CTBP2: variants seen among roughly 807,000 people sequenced by gnomAD.
The protein encoded by CTBP2 is C-terminal-binding protein 2.
CTBP2 carries 30 observed loss-of-function variants against 80.3 expected under a neutral mutation model. The ratio of observed to expected loss-of-function variants is 0.37; its 90% CI spans 0.28 to 0.51. The LOEUF (loss-of-function observed/expected upper bound fraction) is 0.51. Among genes scored for constraint, CTBP2 ranks in the 20% least tolerant of loss-of-function variants. CTBP2 has a pLI of 0.93. For missense variants in CTBP2, 1,212 were observed against 1,375.3 expected, an observed-to-expected ratio of 0.88 and a Z score of 1.88; for synonymous variants, 594 against 587.4, an observed-to-expected ratio of 1.01 and a Z score of -0.16.
intron 1 of CTBP2, among the ~76,000 whole-genome samples, chr10:125,148,892 A>T (rs1432973563): frequency 6.6e-6 from 1 of 152,240 alleles, no homozygotes; most frequent in Non-Finnish European, 1.5e-5. Context: ...GGATGTGTGC[A>T]AGTGGAGGAA....
intron 1 of CTBP2, among the ~76,000 whole-genome samples, chr10:125,131,734 G>A (rs1177646920): frequency 6.6e-6 from 1 of 152,214 alleles, no homozygotes; most frequent in African/African-American, 2.4e-5. Context: ...GCTCCACAGA[G>A]TGATTCAGGC....
At chr10:125,125,331 A>G (rs915669346) in intron 1 of CTBP2, among the ~76,000 whole-genome samples, 1 of 151,744 alleles carries the variant, frequency 6.6e-6, no homozygotes, top group African/African-American at 2.4e-5. Flanking sequence ...GAGCTTAGAT[A>G]TATCTTTCTT....
Position 125,066,378 on chromosome 10 carries a change from G to A in CTBP2, c.-101-27223C>T, listed in dbSNP as rs2135405437. On this transcript the variant is annotated intron_variant, in intron 2 of 10. Transcript: ENST00000337195. The surrounding 1 kb of genome is among the most constrained non-coding windows in gnomAD (Gnocchi z 4.1). ...AAAACATCAAGTCAGAACGTCCCGTGCCTTCTAAGCAGTCAGGTGCATGCA... is the reference window on the plus strand; with the variant it reads ...AAAACATCAAGTCAGAACGTCCCGTACCTTCTAAGCAGTCAGGTGCATGCA... Among the ~76,000 whole-genome samples the A allele has an allele frequency of 6.6e-6, 1 of 152,286 alleles. No homozygotes were observed. Among genetic ancestry groups the A allele is most frequent in the South Asian group, 2.1e-4 (1 of 4,814 alleles).
At chr10:125,132,716 A>G (rs1239078883) in intron 1 of CTBP2, among the ~76,000 whole-genome samples, 1 of 152,168 alleles carries the variant, frequency 6.6e-6, no homozygotes, top group Admixed American at 6.5e-5. Flanking sequence ...AATAAAAAAA[A>G]CTCCACTAAA....
upstream of CTBP2, chr10:125,162,275 T>G (rs1198418937): frequency 6.6e-6 from 1 of 152,298 alleles, no homozygotes; most frequent in African/African-American, 2.4e-5. Context: ...CCGCGCGGTG[T>G]GGTCTCCTCC....
chr10:125,017,228 G>A (rs1300564068), intron 1 of CTBP2, among the ~76,000 whole-genome samples: 4 of 152,234 alleles, frequency 2.6e-5, no homozygotes, highest in Admixed American at 2.6e-4. Flanking sequence ...TCGACGGGTA[G>A]CGGAGGAAGG....
chr10:125,111,889 C>T (rs1038167859), intron 1 of CTBP2, among the ~76,000 whole-genome samples: 3 of 152,036 alleles, frequency 2.0e-5, no homozygotes, highest in Non-Finnish European at 4.4e-5. Flanking sequence ...ACGGCTTTTC[C>T]AGGAAGAAAA....
intron 1 of CTBP2, among the ~76,000 whole-genome samples, chr10:125,149,256 C>A (rs2133376265): frequency 6.6e-6 from 1 of 152,354 alleles, no homozygotes; most frequent in South Asian, 2.1e-4. Flanking sequence ...ACTTTCCAAG[C>A]AACAGCCTCT....
intron 2 of CTBP2, among the ~76,000 whole-genome samples, chr10:125,070,814 T>G (rs945038959): frequency 2.0e-5 from 3 of 146,706 alleles, no homozygotes; most frequent in Non-Finnish European, 4.5e-5. Flanking sequence ...TACAGGCATC[T>G]GCCGCCACGC....
In CTBP2 at chr10:124,985,777, C is replaced by G. The variant is rs1465018138; in HGVS notation, c.*3741G>C. 4 of 152,004 alleles carry G rather than the reference C, an allele frequency of 2.6e-5. No individual in the cohort carries two copies. The highest frequency in any genetic ancestry group is 5.9e-5 in the Non-Finnish European group (4 of 67,986). 9.4% of individuals were successfully genotyped at this position (152,004 alleles called of 1,614,324 possible). On this transcript the variant is annotated 3_prime_UTR_variant, in exon 9 of 9. Coordinates refer to ENST00000309035, the MANE Select transcript of CTBP2 (RefSeq NM_022802.3). ...CAGTGGTCTGTGAGTAGTTTTTTTCCTGGATGAAAAGGGAGCAAGCCCACT... is the reference window on the plus strand; with the variant it reads ...CAGTGGTCTGTGAGTAGTTTTTTTCGTGGATGAAAAGGGAGCAAGCCCACT...
At chr10:125,065,947 A>C (rs1165017507) in intron 2 of CTBP2, among the ~76,000 whole-genome samples, 1 of 152,074 alleles carries the variant, frequency 6.6e-6, no homozygotes, top group South Asian at 2.1e-4. Context: ...AGAAAAATAC[A>C]AAAATTAGCC....
At position 125,026,681 on chromosome 10, in the gene CTBP2, C is replaced by CT; in HGVS notation, c.1078_1079insA (p.Arg360GlnfsTer23). On this transcript the variant is annotated frameshift_variant, in exon 1 of 9. Transcript: ENST00000309035. LOFTEE classifies it high-confidence loss of function. ...CCGCGCCCGGGGCAGCGGGCCCCCCCGGTCCTGCCTCCGCAGCTGCATTTC... is the reference window on the plus strand; with the variant it reads ...CCGCGCCCGGGGCAGCGGGCCCCCCCTGGTCCTGCCTCCGCAGCTGCATTTC... 1 of 1,608,752 alleles carries CT rather than the reference C, an allele frequency of 6.2e-7. No homozygotes were observed. Among genetic ancestry groups the CT allele is most frequent in the Non-Finnish European group, 8.5e-7 (1 of 1,178,172 alleles).
chr10:125,003,603 G>A (rs1040061693), intron 1 of CTBP2, 111 bp from the exon 4 acceptor site: 3 of 862,244 alleles, frequency 3.5e-6, no homozygotes, highest in South Asian at 2.2e-5. Flanking sequence ...AAGCGAGGGT[G>A]GCGGAGCAGC....
At chr10:125,058,436 T>A (rs143860078) in intron 2 of CTBP2, among the ~76,000 whole-genome samples, 113 of 152,272 alleles carry the variant, frequency 7.4e-4, no homozygotes, top group Non-Finnish European at 1.1e-3. Context: ...CCGCCAAGGA[T>A]CTGGAGGACG....
At chr10:125,098,096 G>A (rs1048557979) in intron 2 of CTBP2, among the ~76,000 whole-genome samples, 1 of 152,200 alleles carries the variant, frequency 6.6e-6, no homozygotes, top group Non-Finnish European at 1.5e-5. Flanking sequence ...ACTCCAGTCT[G>A]GGCGACAGAG....
intron 2 of CTBP2, among the ~76,000 whole-genome samples, chr10:125,077,109 T>C (rs1446752855): frequency 6.6e-6 from 1 of 152,150 alleles, no homozygotes; most frequent in Non-Finnish European, 1.5e-5. Flanking sequence ...ATGAAAGCTT[T>C]TGTGTGTCCA....
At chr10:125,085,612 C>T (rs936855045) in intron 2 of CTBP2, among the ~76,000 whole-genome samples, 2 of 152,192 alleles carry the variant, frequency 1.3e-5, no homozygotes, top group Admixed American at 6.5e-5. Context: ...TTTCTGCGGG[C>T]GCTGGAACTT....
intron 1 of CTBP2, among the ~76,000 whole-genome samples, chr10:125,140,995 C>T (rs1857711852): frequency 6.6e-6 from 1 of 151,692 alleles, no homozygotes; most frequent in Non-Finnish European, 1.5e-5. Context: ...CAAAAATTAG[C>T]CAGGCCTGAC....
In CTBP2 at chr10:125,098,750, CAG is replaced by C. The variant is rs1265217140; in HGVS notation, c.-102+12238_-102+12239del. 3.4e-3 allele frequency among the ~76,000 whole-genome samples: 254 copies of C among 75,490 alleles called. 9 individuals are homozygous for C. Among genetic ancestry groups the C allele is most frequent in the African/African-American group, 6.4e-3 (96 of 15,010 alleles). 49.5% of individuals were successfully genotyped at this position (75,490 alleles called of 152,430 possible). On this transcript the variant is annotated intron_variant, in intron 2 of 10. Transcript: ENST00000337195. The stretch of plus-strand genomic sequence containing the variant: ...AGAGAGAGAGAGAGAGAGAGAGAGA[CAG>C]AGAGAGAGAGAGAGAGAGAGAGAGA...
Sources: gnomAD v4.1 joint callset for allele counts (sites outside exome capture counted in the v4.1 genomes callset) on GRCh38, gnomAD v4.1.1 for gene constraint, Gnocchi (gnomAD v3.1) non-coding constraint, MANE v1.5 for transcripts, NCBI Gene and HGNC (gene_info 2026-07-23, HGNC 2026-07-21) for gene names.